Variants in BTRC observed in about 807,000 individuals in gnomAD.
The protein encoded by BTRC is F-box/WD repeat-containing protein 1A.
A neutral mutation model predicts 85.5 loss-of-function variants in BTRC; 42 were observed. The observed-to-expected ratio is 0.49, with a 90% CI of 0.38 to 0.64. BTRC has a LOEUF of 0.64. BTRC is among the 30% of genes least tolerant of loss of function. The pLI is 0.00. For missense variants in BTRC, 594 were observed against 743.5 expected (o/e 0.80, Z 2.34); for synonymous variants, 255 against 263.3 (o/e 0.97, Z 0.30).
chr10:101,518,919 G>A (rs1050102441), intron 4 of BTRC, among the ~76,000 whole-genome samples: 8 of 152,100 alleles, frequency 5.3e-5, no homozygotes, highest in Admixed American at 2.0e-4. Flanking sequence ...AAAACAATAC[G>A]TATTTATTAA....
At chr10:101,456,912 G>A (rs1316174277) in intron 2 of BTRC, among the ~76,000 whole-genome samples, 1 of 152,138 alleles carries the variant, frequency 6.6e-6, no homozygotes, top group Non-Finnish European at 1.5e-5. Flanking sequence ...AACAAGTTGT[G>A]TAGAATCTTT....
At chr10:101,519,633 T>C (rs1355367141) in intron 4 of BTRC, among the ~76,000 whole-genome samples, 1 of 152,190 alleles carries the variant, frequency 6.6e-6, no homozygotes, top group Admixed American at 6.5e-5. Context: ...ATCCCTCTTT[T>C]AATGACAGCA....
chr10:101,376,147 G>A (rs1327909847), intron 1 of BTRC, among the ~76,000 whole-genome samples: 2 of 152,174 alleles, frequency 1.3e-5, no homozygotes, highest in African/African-American at 4.8e-5. Context: ...CCAATGTGGT[G>A]AAACCCCGTC....
intron 5 of BTRC, among the ~76,000 whole-genome samples, 155 bp from the exon 6 acceptor site, chr10:101,525,858 C>G (rs1048760578): frequency 6.6e-6 from 1 of 151,918 alleles, no homozygotes; most frequent in African/African-American, 2.4e-5. Context: ...CTCATTTTAC[C>G]CAAGCCTCTG....
chr10:101,404,051 A>G, intron 1 of BTRC, among the ~76,000 whole-genome samples: 1 of 2,992 alleles, frequency 3.3e-4, no homozygotes, highest in Non-Finnish European at 1.1e-3. Context: ...TTTTTTTTTG[A>G]GACAGAGTCT....
At chr10:101,538,415 G>A (rs376096083) in intron 13 of BTRC, 44 bp downstream of exon 13, 8 of 1,529,322 alleles carry the variant, frequency 5.2e-6, no homozygotes, top group African/African-American at 1.4e-5. Context: ...GCAGGTGGGG[G>A]AAGAAATTAA....
At position 101,557,286 on chromosome 10, in the gene BTRC, T is replaced by C. The variant is rs2062733793; in HGVS notation, c.*4163T>C. 1 of 152,256 alleles carries C rather than the reference T, an allele frequency of 6.6e-6. No homozygotes were observed. The highest frequency in any genetic ancestry group is 1.5e-5 in the Non-Finnish European group (1 of 68,042). 9.4% of individuals were successfully genotyped at this position (152,256 alleles called of 1,614,324 possible). ...TTTTTTTAACTGTTCAGAAAAAAAG[T>C]AAATTACAAATATAAGATTAAAGTG... On this transcript the variant is annotated 3_prime_UTR_variant, in exon 15 of 15. Transcript: ENST00000370187.
At chr10:101,354,611 TA>T (rs1381992562) in intron 1 of BTRC, 2 of 271,686 alleles carry the variant, frequency 7.4e-6, no homozygotes, top group Non-Finnish European at 1.4e-5. Context: ...GGGTTACCGG[TA>T]AGGCCCGGGA....
chr10:101,472,280 T>TTC (rs1945548861), intron 3 of BTRC, among the ~76,000 whole-genome samples: 1 of 122,086 alleles, frequency 8.2e-6, no homozygotes, highest in African/African-American at 4.2e-5. Flanking sequence ...TTTTCCTCTC[T>TTC]TCTCTTCTCT....
intron 1 of BTRC, chr10:101,414,651 C>T: frequency 1.9e-6 from 1 of 517,670 alleles, no homozygotes; most frequent in Non-Finnish European, 3.9e-6. Context: ...TAATTGCTCC[C>T]AAAGACCTTC....
intron 1 of BTRC, among the ~76,000 whole-genome samples, chr10:101,407,883 C>G (rs920412998): frequency 2.0e-5 from 3 of 151,918 alleles, no homozygotes; most frequent in Admixed American, 6.6e-5. Context: ...CCACCATGCC[C>G]AGCTAATTTT....
intron 1 of BTRC, among the ~76,000 whole-genome samples, chr10:101,387,527 A>ATTTTTTTTTTTTTTTTTTTTTTTT (rs1564741908): frequency 5.9e-5 from 1 of 17,006 alleles, no homozygotes; most frequent in African/African-American, 4.9e-4. Flanking sequence ...CCTTCATGGG[A>ATTTTTTTTTTTTTTTTTTTTTTTT]CTTTTTTTTT....
intron 1 of BTRC, among the ~76,000 whole-genome samples, chr10:101,365,803 G>A (rs909304510): frequency 6.6e-6 from 1 of 152,078 alleles, no homozygotes; most frequent in African/African-American, 2.4e-5. Context: ...ATGTTTTACG[G>A]ATTTTCTACA....
At chr10:101,438,262 T>C (rs1944583442) in intron 2 of BTRC, among the ~76,000 whole-genome samples, 1 of 151,602 alleles carries the variant, frequency 6.6e-6, no homozygotes, top group Admixed American at 6.6e-5. Flanking sequence ...CCGTCTTTAC[T>C]AAAAATACAA....
intron 1 of BTRC, among the ~76,000 whole-genome samples, chr10:101,367,055 TATAAATATAA>T (rs1942481328): frequency 2.0e-5 from 2 of 98,736 alleles, no homozygotes; most frequent in African/African-American, 7.7e-5. Flanking sequence ...TATATATATA[TATAAATATAA>T]ATATATATAT....
rs867762475 is a variant in BTRC, at chr10:101,532,750, A to G, written c.979-202A>G. 2.3e-3 allele frequency among the ~76,000 whole-genome samples: 239 copies of G among 102,234 alleles called. 1 individual carries two copies. Among genetic ancestry groups the G allele is most frequent in the Non-Finnish European group, 3.4e-3 (180 of 53,008 alleles). 67.1% of individuals were successfully genotyped at this position (102,234 alleles called of 152,430 possible). ...AAGTTTGCATTAGTACTGAAGCTAT[A>G]TGTGTGTGTGTGTGTGTGTGTGTGT... On this transcript the variant is annotated intron_variant, in intron 8 of 14. Coordinates refer to ENST00000370187, the MANE Select transcript of BTRC (RefSeq NM_033637.4).
rs1436045614 is a variant in BTRC at position 101,452,216 on chromosome 10, G to GT, written c.157-9762dup. Among the ~76,000 whole-genome samples, 8 of 152,282 alleles carry GT rather than the reference G, an allele frequency of 5.3e-5. No individual in the cohort carries two copies. The East Asian group carries it at 1.5e-3, about 29-fold the overall frequency. On this transcript the variant is annotated intron_variant, in intron 2 of 14. Transcript: ENST00000370187. ...ACCAGTGCACTATGACAATTAATCA[G>GT]TTTCTGCATACTAGCATAAATGCAC...
At chr10:101,363,847 A>AT (rs2134489182) in intron 1 of BTRC, among the ~76,000 whole-genome samples, 1 of 152,292 alleles carries the variant, frequency 6.6e-6, no homozygotes, top group African/African-American at 2.4e-5. Context: ...AGGTTTCCTG[A>AT]TTATTTAAAT....
chr10:101,401,271 G>A (rs997562096), intron 1 of BTRC, among the ~76,000 whole-genome samples: 6 of 152,262 alleles, frequency 3.9e-5, no homozygotes, highest in South Asian at 2.1e-4. Flanking sequence ...CTCTTATCAC[G>A]TGAATGAGCA....
Sources: gnomAD v4.1 joint callset for allele counts (sites outside exome capture counted in the v4.1 genomes callset) on GRCh38, gnomAD v4.1.1 for gene constraint, MANE v1.5 for transcripts, NCBI Gene and HGNC (gene_info 2026-07-23, HGNC 2026-07-21) for gene names.